The following CYP2C19 variants were observed in gnomAD, a reference collection of about 807,000 sequenced individuals.
CYP2C19 encodes cytochrome P450 2C19.
Under a neutral mutation model 40.9 loss-of-function variants are expected in CYP2C19, and 59 were observed. The ratio of observed to expected loss-of-function variants is 1.44; its 90% CI spans 1.17 to 1.79. The LOEUF is 1.79. Ranked by LOEUF, CYP2C19 falls within the 40% of genes most tolerant of loss-of-function variation. The pLI is 0.00. For synonymous variants in CYP2C19, 253 were observed against 208.7 expected, an observed-to-expected ratio of 1.21 and a Z score of -1.83; for missense variants, 754 against 596.9, an observed-to-expected ratio of 1.26 and a Z score of -2.74.
chr10:94,792,996 A>C (rs1010273415), intron 5 of CYP2C19, among the ~76,000 whole-genome samples: 1 of 152,132 alleles, frequency 6.6e-6, no homozygotes, highest in Non-Finnish European at 1.5e-5. Flanking sequence ...TACACCAATC[A>C]GATGTAGATT....
intron 5 of CYP2C19, among the ~76,000 whole-genome samples, chr10:94,807,012 G>C (rs1180600463): frequency 6.6e-6 from 1 of 152,038 alleles, no homozygotes; most frequent in Non-Finnish European, 1.5e-5. Flanking sequence ...TATAGCTGAA[G>C]TTTTGTATCT....
At chr10:94,817,382 G>C (rs1214824698) in intron 5 of CYP2C19, among the ~76,000 whole-genome samples, 2 of 147,482 alleles carry the variant, frequency 1.4e-5, no homozygotes, top group Admixed American at 6.7e-5. Flanking sequence ...GTCTTCTTTT[G>C]AGAAGTGTCT....
At position 94,796,266 on chromosome 10, in the gene CYP2C19, A is replaced by C. The variant is rs192731580; in HGVS notation, c.819+14269A>C. Among the ~76,000 whole-genome samples the C allele has an allele frequency of 3.1e-3, 475 of 152,184 alleles. 3 individuals carry two copies. Among genetic ancestry groups the C allele is most frequent in the African/African-American group, 0.011 (452 of 41,554 alleles). ...TTTGTTAAACAGGGAATCCTTTCCCATTTCTTGTTTTTGTCAGGCTTGTCA... is the reference window on the plus strand; with the variant it reads ...TTTGTTAAACAGGGAATCCTTTCCCCTTTCTTGTTTTTGTCAGGCTTGTCA... On this transcript the variant is annotated intron_variant, in intron 5 of 8. Transcript: ENST00000371321.
intron 6 of CYP2C19, among the ~76,000 whole-genome samples, chr10:94,838,965 T>A (rs1849447945): frequency 6.6e-6 from 1 of 151,964 alleles, no homozygotes; most frequent in Non-Finnish European, 1.5e-5. Flanking sequence ...TCTTAGAGGG[T>A]CAAATTGGTC....
chr10:94,823,432 C>T (rs930379637), intron 6 of CYP2C19, among the ~76,000 whole-genome samples: 1 of 152,176 alleles, frequency 6.6e-6, no homozygotes, highest in Non-Finnish European at 1.5e-5. Flanking sequence ...AGACTTAAAG[C>T]TCTTTTATTC....
At chr10:94,806,654 A>G (rs1357988372) in intron 5 of CYP2C19, among the ~76,000 whole-genome samples, 1 of 148,016 alleles carries the variant, frequency 6.8e-6, no homozygotes, top group Non-Finnish European at 1.5e-5. Context: ...AATAATGCAA[A>G]TGTATAATAG....
At chr10:94,766,056 T>C (rs971095852) in intron 1 of CYP2C19, among the ~76,000 whole-genome samples, 1 of 152,090 alleles carries the variant, frequency 6.6e-6, no homozygotes, top group East Asian at 1.9e-4. Context: ...CTATCAGAGA[T>C]GGAGAAGTCA....
rs1005274862 is a variant in CYP2C19 at position 94,820,707 on chromosome 10, T to C, written c.961+70T>C. Reference sequence around the variant, plus strand: ...TGGGAAGGTGCTGCTAGTGTTCTCCTTTCTGTTTCTCTTAGAGAAGTTCCA... The same window carrying C: ...TGGGAAGGTGCTGCTAGTGTTCTCCCTTCTGTTTCTCTTAGAGAAGTTCCA... On this transcript the variant is annotated intron_variant, in intron 6 of 8. Transcript: ENST00000371321. 3 of 1,583,842 alleles carry C rather than the reference T, an allele frequency of 1.9e-6. No homozygotes were observed. The East Asian group carries it at 6.7e-5, about 35-fold the overall frequency.
At position 94,852,881 on chromosome 10, in the gene CYP2C19, G is replaced by A. The variant is rs28399514; in HGVS notation, c.1440G>A (p.Pro480=). 548 of 1,613,742 alleles carry A rather than the reference G, an allele frequency of 3.4e-4. No homozygotes were observed. Among genetic ancestry groups the A allele is most frequent in the Non-Finnish European group, 4.1e-4 (478 of 1,179,936 alleles). The change falls in exon 9 of 9, where the codon CCG becomes CCA. Residue 480 remains proline (P), a synonymous_variant. Transcript: ENST00000371321. ...TTGTCAATGGATTTGCTTCTGTCCC[G>A]CCCTTCTATCAGCTGTGCTTCATTC... ...TPVVNGFASV[P]PFYQLCFIPV
intron 6 of CYP2C19, among the ~76,000 whole-genome samples, chr10:94,834,144 T>C (rs1405195268): frequency 6.6e-6 from 1 of 152,156 alleles, no homozygotes; most frequent in African/African-American, 2.4e-5. Flanking sequence ...GTTTTCCTTA[T>C]TGGGATAATT....
At chr10:94,764,922 A>G (rs887254719) in intron 1 of CYP2C19, among the ~76,000 whole-genome samples, 1 of 152,092 alleles carries the variant, frequency 6.6e-6, no homozygotes, top group Non-Finnish European at 1.5e-5. Context: ...TTCAGAAGCC[A>G]TTTCCTGTAA....
intron 7 of CYP2C19, among the ~76,000 whole-genome samples, chr10:94,847,757 A>G (rs554937846): frequency 1.3e-5 from 2 of 152,182 alleles, no homozygotes; most frequent in African/African-American, 4.8e-5. Context: ...CTGACTTTTT[A>G]ATGATCGCCA....
At chr10:94,770,818 TTA>T (rs1848319022) in intron 1 of CYP2C19, among the ~76,000 whole-genome samples, 1 of 152,160 alleles carries the variant, frequency 6.6e-6, no homozygotes, top group African/African-American at 2.4e-5. Flanking sequence ...CAACAGATGT[TTA>T]TGACTACAGT....
intron 5 of CYP2C19, among the ~76,000 whole-genome samples, chr10:94,784,729 A>G (rs1179027548): frequency 6.6e-6 from 1 of 151,916 alleles, no homozygotes; most frequent in Non-Finnish European, 1.5e-5. Context: ...AGCTGGGATT[A>G]CAGGAATGTG....
At chr10:94,772,850 T>C (rs4501922) in intron 1 of CYP2C19, among the ~76,000 whole-genome samples, 38,839 of 151,934 alleles carry the variant, frequency 0.26, 5,313 homozygotes, top group South Asian at 0.44. Context: ...GGCGCAACCT[T>C]GGCTCGCTGC....
chr10:94,769,928 T>C (rs1848303263), intron 1 of CYP2C19, among the ~76,000 whole-genome samples: 1 of 152,086 alleles, frequency 6.6e-6, no homozygotes, highest in Admixed American at 6.5e-5. Flanking sequence ...TTAATAAGGG[T>C]GTGGGACTTT....
intron 5 of CYP2C19, among the ~76,000 whole-genome samples, chr10:94,791,851 G>T (rs558507753): frequency 4.9e-4 from 74 of 152,210 alleles, no homozygotes; most frequent in African/African-American, 1.7e-3. Flanking sequence ...TGTTGATTTG[G>T]GGTGGAGAGT....
chr10:94,817,708 T>A (rs1849029527), intron 5 of CYP2C19, among the ~76,000 whole-genome samples: 1 of 151,880 alleles, frequency 6.6e-6, no homozygotes, highest in Non-Finnish European at 1.5e-5. Context: ...TTTTTATGGT[T>A]TTAGGTCTAA....
intron 3 of CYP2C19, 51 bp downstream of exon 3, chr10:94,775,590 T>G (rs745769509): frequency 2.5e-6 from 4 of 1,613,378 alleles, no homozygotes; most frequent in Non-Finnish European, 3.4e-6. Flanking sequence ...CTCTCCTCTC[T>G]ACTGACATTC....
Sources: allele counts gnomAD v4.1 joint callset (sites outside exome capture counted in the v4.1 genomes callset), GRCh38; gene constraint gnomAD v4.1.1; transcripts MANE v1.5; gene names NCBI Gene and HGNC (gene_info 2026-07-23, HGNC 2026-07-21).